The following LTBP1 variants were observed in gnomAD, a reference collection of about 807,000 sequenced individuals.
LTBP1 encodes latent-transforming growth factor beta-binding protein 1.
LTBP1 carries 129 observed loss-of-function variants against 207.6 expected under a neutral mutation model. That is an observed-to-expected ratio of 0.62 (90% CI 0.54 to 0.72). The LOEUF is 0.72. LTBP1 is among the 30% of genes least tolerant of loss of function. LTBP1 has a pLI of 0.00. For missense variants in LTBP1, 2,281 were observed against 2,217.2 expected (o/e 1.03, Z -0.58); for synonymous variants, 963 against 833.7 (o/e 1.16, Z -2.67).
intron 24 of LTBP1, among the ~76,000 whole-genome samples, chr2:33,334,476 C>T (rs903827316): frequency 3.3e-5 from 5 of 152,020 alleles, no homozygotes; most frequent in East Asian, 1.9e-4. Context: ...TGCAGGAATT[C>T]GAGTGAAAGA....
intron 24 of LTBP1, among the ~76,000 whole-genome samples, chr2:33,340,246 A>G (rs2094601844): frequency 7.5e-6 from 1 of 133,910 alleles, no homozygotes; most frequent in African/African-American, 2.9e-5. Flanking sequence ...CGACAGAGCG[A>G]GACTCTGTCT....
intron 31 of LTBP1, among the ~76,000 whole-genome samples, chr2:33,381,647 G>A (rs956283799): frequency 6.6e-6 from 1 of 152,180 alleles, no homozygotes; most frequent in Non-Finnish European, 1.5e-5. Context: ...TGCCCCTGGT[G>A]GAGCTGAGCT....
At chr2:33,017,114 T>A (rs146862728) in intron 2 of LTBP1, among the ~76,000 whole-genome samples, 101 of 152,336 alleles carry the variant, frequency 6.6e-4, no homozygotes, top group African/African-American at 2.3e-3. Context: ...TTCACGTAAA[T>A]GCTATGAATT....
chr2:33,179,254 A>G (rs1199404745), intron 5 of LTBP1, among the ~76,000 whole-genome samples: 2 of 152,160 alleles, frequency 1.3e-5, no homozygotes, highest in Non-Finnish European at 2.9e-5. Context: ...TGTGTGACTC[A>G]TGACAGTTCT....
intron 3 of LTBP1, among the ~76,000 whole-genome samples, chr2:33,064,510 T>C (rs219082): frequency 0.64 from 96,636 of 152,054 alleles, 32,305 homozygotes; most frequent in East Asian, 1. Context: ...CATGGGGTAA[T>C]GCAGAGTAGC....
chr2:33,105,126 CCT>C (rs2079983722), intron 3 of LTBP1, among the ~76,000 whole-genome samples: 2 of 152,076 alleles, frequency 1.3e-5, no homozygotes, highest in African/African-American at 4.8e-5. Flanking sequence ...TACTTCACCC[CCT>C]GTCCACCAGC....
At chr2:33,386,765 C>A (rs543873556) in intron 31 of LTBP1, among the ~76,000 whole-genome samples, 2 of 151,522 alleles carry the variant, frequency 1.3e-5, no homozygotes, top group Admixed American at 1.3e-4. Flanking sequence ...TTTGAGGCTG[C>A]AGTGAACCAC....
At chr2:33,160,496 T>C (rs754867451) in intron 5 of LTBP1, among the ~76,000 whole-genome samples, 1 of 152,240 alleles carries the variant, frequency 6.6e-6, no homozygotes, top group Non-Finnish European at 1.5e-5. Flanking sequence ...TTCCTCTGGC[T>C]AGCTTCTAAG....
intron 9 of LTBP1, among the ~76,000 whole-genome samples, chr2:33,233,627 C>G (rs1235992552): frequency 1.3e-5 from 2 of 151,996 alleles, no homozygotes; most frequent in Non-Finnish European, 2.9e-5. Flanking sequence ...CTTTTTCTGT[C>G]TAGCAATTTT....
intron 8 of LTBP1, 32 bp from the exon 9 acceptor site, chr2:33,222,048 A>G (rs775936960): frequency 4.7e-6 from 7 of 1,497,480 alleles, no homozygotes; most frequent in South Asian, 1.1e-5. Context: ...GTAAGAATTT[A>G]AGTATGTAAC....
At chr2:33,073,181 A>G (rs755176351) in intron 3 of LTBP1, among the ~76,000 whole-genome samples, 10 of 152,226 alleles carry the variant, frequency 6.6e-5, no homozygotes, top group Admixed American at 4.6e-4. Flanking sequence ...AGAGAGCTAG[A>G]AGGAAAGAAT....
chr2:33,100,678 A>G (rs2079677903), intron 3 of LTBP1, among the ~76,000 whole-genome samples: 1 of 152,126 alleles, frequency 6.6e-6, no homozygotes, highest in Non-Finnish European at 1.5e-5. Flanking sequence ...AACTCTACCT[A>G]TTAAACAGTA....
At chr2:33,147,879 G>A (rs979312952) in intron 5 of LTBP1, among the ~76,000 whole-genome samples, 8 of 152,326 alleles carry the variant, frequency 5.3e-5, no homozygotes, top group East Asian at 3.9e-4. Context: ...AGGGATATGT[G>A]TCAAGCCCTC....
intron 4 of LTBP1, among the ~76,000 whole-genome samples, chr2:33,127,156 C>T (rs1424607501): frequency 1.3e-5 from 2 of 152,192 alleles, no homozygotes; most frequent in Non-Finnish European, 2.9e-5. Flanking sequence ...TCTGGCCTGG[C>T]AGCTCCAGTG....
At chr2:33,086,361 C>T (rs545239513) in intron 3 of LTBP1, among the ~76,000 whole-genome samples, 5 of 152,154 alleles carry the variant, frequency 3.3e-5, no homozygotes, top group South Asian at 2.1e-4. Flanking sequence ...GTTTAGTTAC[C>T]GGAACAGGGG....
At chr2:33,273,843 T>A in intron 16 of LTBP1, 62 bp downstream of exon 16, 1 of 1,441,040 alleles carries the variant, frequency 6.9e-7, no homozygotes, top group Non-Finnish European at 9.3e-7. Flanking sequence ...TAAGAACATT[T>A]TTTTCTTAAA....
chr2:33,289,069 A>G (rs1454975245), intron 19 of LTBP1, among the ~76,000 whole-genome samples: 1 of 152,206 alleles, frequency 6.6e-6, no homozygotes, highest in Non-Finnish European at 1.5e-5. Flanking sequence ...TGATACAGTG[A>G]TTAGATGAGT....
intron 4 of LTBP1, among the ~76,000 whole-genome samples, chr2:33,115,037 T>TATATACACAC (rs869158793): frequency 2.8e-5 from 4 of 145,150 alleles, no homozygotes; most frequent in African/African-American, 1.0e-4. Context: ...AACAGATATA[T>TATATACACAC]ACACACACAC....
In LTBP1 at chr2:33,134,403, G is replaced by C. The variant is rs761328334; in HGVS notation, c.1034-390G>C. 6.1e-5 allele frequency: 32 copies of C among 521,952 alleles called. No homozygotes were observed. The highest frequency in any genetic ancestry group is 4.3e-4 in the South Asian group (28 of 65,310). 32.3% of individuals were successfully genotyped at this position (521,952 alleles called of 1,614,324 possible). ...GAGTTTATTCACCGCTAGGTGCACG[G>C]CCAACCCCTTTGCATTACATCTGCC... On this transcript the variant is annotated intron_variant, in intron 4 of 33. Coordinates refer to ENST00000404816, the MANE Select transcript of LTBP1 (RefSeq NM_206943.4). This position sits in a 1 kb window ranked among gnomAD's most constrained non-coding sequence, Gnocchi z 4.4.
Sources: allele counts gnomAD v4.1 joint callset (sites outside exome capture counted in the v4.1 genomes callset), GRCh38; gene constraint gnomAD v4.1.1; non-coding constraint Gnocchi (gnomAD v3.1); transcripts MANE v1.5; gene names NCBI Gene and HGNC (gene_info 2026-07-23, HGNC 2026-07-21).